MAP4: variants seen among roughly 807,000 people sequenced by gnomAD.
MAP4 encodes the protein microtubule-associated protein 4.
MAP4 carries 76 observed loss-of-function variants against 170.2 expected under a neutral mutation model. The ratio of observed to expected loss-of-function variants is 0.45; its 90% CI spans 0.37 to 0.54. MAP4 has a LOEUF of 0.54. Among genes scored for constraint, MAP4 ranks in the 20% least tolerant of loss-of-function variants. MAP4 has a pLI of 0.00. For synonymous variants in MAP4, 909 were observed against 994.5 expected, an observed-to-expected ratio of 0.91 and a Z score of 1.62; for missense variants, 2,506 against 2,748.0, an observed-to-expected ratio of 0.91 and a Z score of 1.97.
chr3:47,966,879 T>C (rs758539553), intron 3 of MAP4, among the ~76,000 whole-genome samples: 14 of 152,252 alleles, frequency 9.2e-5, no homozygotes, highest in African/African-American at 1.9e-4. Context: ...TTGATTATTA[T>C]AGCATTTCAG....
chr3:47,892,339 A>C, intron 10 of MAP4: 1 of 1,536,210 alleles, frequency 6.5e-7, no homozygotes, highest in Non-Finnish European at 8.7e-7. Flanking sequence ...CATTCAGCCC[A>C]ATTTCATTCA....
chr3:47,870,416 A>G (rs1303744958), intron 15 of MAP4, among the ~76,000 whole-genome samples: 1 of 152,130 alleles, frequency 6.6e-6, no homozygotes, highest in Non-Finnish European at 1.5e-5. Flanking sequence ...GAGGTGTTCT[A>G]CCTTCTGCCT....
chr3:48,064,250 C>T (rs1280216011), intron 1 of MAP4, among the ~76,000 whole-genome samples: 2 of 152,126 alleles, frequency 1.3e-5, no homozygotes, highest in African/African-American at 4.8e-5. Flanking sequence ...TTGTAAAACC[C>T]AAGATCGTGT....
At chr3:47,972,310 T>C (rs1413143316) in intron 3 of MAP4, among the ~76,000 whole-genome samples, 1 of 152,250 alleles carries the variant, frequency 6.6e-6, no homozygotes, top group Non-Finnish European at 1.5e-5. Context: ...TAAATGTTAC[T>C]GAATGTAGTA....
rs535543865 is a variant in MAP4, at chr3:47,972,864, C to T, written c.292+5001G>A. Among the ~76,000 whole-genome samples, 5 of 149,166 alleles carry T rather than the reference C, an allele frequency of 3.4e-5. No individual in the cohort carries two copies. In the South Asian group the frequency reaches 8.4e-4, roughly 25 times the overall value. ...TCATGCCACTGCACTCCAGCCTGGG[C>T]GACAGAGCGAGACTCCGTCTCAAAA... On this transcript the variant is annotated intron_variant, in intron 3 of 20. Coordinates refer to ENST00000683076, the MANE Select transcript of MAP4 (RefSeq NM_001385682.1).
rs2041719519 is a variant in MAP4, at chr3:47,851,288, A to AT, written c.*1645dup. ...GGTGTGTGCTTGGGGAGCTAGGGAC[A>AT]TGGTGTCAAACCTCCACAAGGCACT... On this transcript the variant is annotated 3_prime_UTR_variant, in exon 21 of 21. Coordinates refer to ENST00000683076, the MANE Select transcript of MAP4 (RefSeq NM_001385682.1). 2.6e-5 allele frequency: 4 copies of AT among 152,354 alleles called. No homozygotes were observed. The highest frequency in any genetic ancestry group is 2.6e-4 in the Admixed American group (4 of 15,312). 9.4% of individuals were successfully genotyped at this position (152,354 alleles called of 1,614,324 possible).
At chr3:47,938,379 G>GA (rs2100054289) in intron 3 of MAP4, among the ~76,000 whole-genome samples, 2 of 151,912 alleles carry the variant, frequency 1.3e-5, no homozygotes, top group South Asian at 4.2e-4. Flanking sequence ...AGGAAAAAAA[G>GA]AAAAAAGGGA....
chr3:47,867,399 A>C, intron 16 of MAP4, 61 bp from the exon 17 acceptor site: 1 of 1,125,708 alleles, frequency 8.9e-7, no homozygotes, highest in Non-Finnish European at 1.4e-6. Context: ...GAACCGACAC[A>C]GGGAAGGCAG....
intron 15 of MAP4, among the ~76,000 whole-genome samples, chr3:47,869,573 C>G (rs2087249560): frequency 6.6e-6 from 1 of 152,122 alleles, no homozygotes. Flanking sequence ...GATCAAGACA[C>G]TAGCTAATGA....
chr3:47,895,154 C>T (rs931540274), intron 10 of MAP4, among the ~76,000 whole-genome samples: 1 of 152,162 alleles, frequency 6.6e-6, no homozygotes, highest in South Asian at 2.1e-4. Context: ...AGTCACCCCC[C>T]ACAAACGACA....
chr3:47,959,103 G>A (rs1380120912), intron 3 of MAP4, among the ~76,000 whole-genome samples: 2 of 151,162 alleles, frequency 1.3e-5, no homozygotes, highest in African/African-American at 2.4e-5. Context: ...ATCAAAGTGT[G>A]CAGTAAAAAA....
intron 4 of MAP4, among the ~76,000 whole-genome samples, chr3:47,924,078 C>T (rs958283961): frequency 2.6e-5 from 4 of 152,166 alleles, no homozygotes. Flanking sequence ...AGAGTTCTGT[C>T]ATTTAGTCAT....
chr3:48,077,631 C>G (rs955946283), intron 1 of MAP4, among the ~76,000 whole-genome samples: 1 of 151,732 alleles, frequency 6.6e-6, no homozygotes, highest in Non-Finnish European at 1.5e-5. Context: ...TGTGCCACCA[C>G]GCCTGGCGAT....
At chr3:47,871,430 G>A (rs1481961715) in intron 13 of MAP4, 144 bp from the exon 14 acceptor site, 4 of 715,896 alleles carry the variant, frequency 5.6e-6, no homozygotes, top group Non-Finnish European at 9.7e-6. Context: ...GAATGGAGTG[G>A]TAAATTAGAT....
chr3:47,887,407 C>T (rs958390693), intron 10 of MAP4, among the ~76,000 whole-genome samples: 2 of 152,196 alleles, frequency 1.3e-5, no homozygotes, highest in East Asian at 1.9e-4. Context: ...ATAAGTGCTG[C>T]GCTCGATTTC....
At position 47,877,558 on chromosome 3, in the gene MAP4, C is replaced by G. The variant is rs758473225; in HGVS notation, c.5435-35G>C. 3.5e-6 allele frequency: 5 copies of G among 1,439,208 alleles called. No homozygotes were observed. The South Asian group carries it at 5.9e-5, about 17-fold the overall frequency. The allele number at this position is 1,439,208 out of a possible 1,614,324, so 89.2% of individuals were successfully genotyped here. Reference sequence around the variant, plus strand: ...GAGGGTGAGTGGGAATTATGCTAAGCAAACATTTTACATGCCCATTTTGAA... The same window carrying G: ...GAGGGTGAGTGGGAATTATGCTAAGGAAACATTTTACATGCCCATTTTGAA... On this transcript the variant is annotated intron_variant, in intron 10 of 20. Transcript: ENST00000683076.
At chr3:48,016,670 AT>A (rs905505916), upstream of MAP4, among the ~76,000 whole-genome samples, 8 of 151,994 alleles carry the variant, frequency 5.3e-5, no homozygotes, top group Admixed American at 2.6e-4. Flanking sequence ...AAAAAGGAGC[AT>A]TTTTTTTAAA....
Position 47,852,521 on chromosome 3 carries a change from T to G in MAP4, c.*413A>C. 1 of 464,072 alleles carries G rather than the reference T, an allele frequency of 2.2e-6. No individual in the cohort carries two copies. The highest frequency in any genetic ancestry group is 3.8e-6 in the Non-Finnish European group (1 of 263,460). The allele number at this position is 464,072 out of a possible 1,614,324, so 28.7% of individuals were successfully genotyped here. On this transcript the variant is annotated 3_prime_UTR_variant, in exon 21 of 21. Coordinates refer to ENST00000683076, the MANE Select transcript of MAP4 (RefSeq NM_001385682.1). ...GAAGGGAGGGCATGTCAGTTTCTTT[T>G]GGGTTTGGACCAAAGAACCAAAAAA...
intron 2 of MAP4, among the ~76,000 whole-genome samples, chr3:47,996,353 A>C (rs1339980630): frequency 1.3e-5 from 2 of 152,208 alleles, no homozygotes; most frequent in Non-Finnish European, 2.9e-5. Flanking sequence ...CCAAACCGTG[A>C]GATTAAGCAC....
Sources: gnomAD v4.1 joint callset for allele counts (sites outside exome capture counted in the v4.1 genomes callset) on GRCh38, gnomAD v4.1.1 for gene constraint, MANE v1.5 for transcripts, NCBI Gene and HGNC (gene_info 2026-07-23, HGNC 2026-07-21) for gene names.